Variants in TBCE observed in about 807,000 individuals in gnomAD.
TBCE encodes tubulin-specific chaperone E.
TBCE carries 53 observed loss-of-function variants against 77.0 expected under a neutral mutation model. The ratio of observed to expected loss-of-function variants is 0.69; its 90% confidence interval spans 0.55 to 0.87. The LOEUF (loss-of-function observed/expected upper bound fraction) is 0.87, where lower values mean the gene tolerates loss of function less well. TBCE is among the 40% of genes least tolerant of loss of function. The probability of loss-of-function intolerance (pLI) is 0.00; values close to 1 mark genes in which losing one functional copy is unlikely to be tolerated. For synonymous variants in TBCE, 235 were observed against 241.3 expected (o/e 0.97, Z 0.24); for missense variants, 624 against 622.4 (o/e 1.00, Z -0.03).
At chr1:235,371,066 T>TTTTG in intron 1 of TBCE, among the ~76,000 whole-genome samples, 1 of 127,870 alleles carries the variant, frequency 7.8e-6, no homozygotes, top group East Asian at 2.2e-4. Flanking sequence ...TTTTTTTTTT[T>TTTTG]TTTTTTGAGA....
In TBCE at chr1:235,440,009, C is replaced by T. The variant is rs553082312; in HGVS notation, c.1270+1087C>T. On this transcript the variant is annotated intron_variant, in intron 13 of 16. Transcript: ENST00000642610. ...TTTTTGAGACGGAGCCTCGCTCTGTCGCCCAGGCTGGAGTGCAGTGCCGCG... is the reference window on the plus strand; with the variant it reads ...TTTTTGAGACGGAGCCTCGCTCTGTTGCCCAGGCTGGAGTGCAGTGCCGCG... Among the ~76,000 whole-genome samples, 66 of 152,104 alleles carry T rather than the reference C, an allele frequency of 4.3e-4. No individual in the cohort carries two copies. In the South Asian group the frequency reaches 0.011, roughly 25 times the overall value.
At chr1:235,420,539 G>A (rs939836358) in intron 5 of TBCE, among the ~76,000 whole-genome samples, 1 of 141,188 alleles carries the variant, frequency 7.1e-6, no homozygotes, top group Non-Finnish European at 1.5e-5. Flanking sequence ...CTGCAGTGCA[G>A]TGGCGTGATC....
rs202164530 is a variant in TBCE, at chr1:235,443,183, C to CATAT, written c.1399+273_1399+274insTATA. Among the ~76,000 whole-genome samples the CATAT allele has an allele frequency of 0.13, 18,523 of 144,784 alleles. 1,424 individuals carry two copies. Among genetic ancestry groups the CATAT allele is most frequent in the African/African-American group, 0.24 (8,928 of 37,886 alleles). 95.0% of individuals were successfully genotyped at this position (144,784 alleles called of 152,430 possible). Reference sequence around the variant, plus strand: ...ATATAATTACACACACACACACACACACATATATATATACACACACACACA... The same window carrying CATAT: ...ATATAATTACACACACACACACACACATATACATATATATATACACACACACACA... On this transcript the variant is annotated intron_variant, in intron 15 of 16. Coordinates refer to ENST00000642610, the MANE Select transcript of TBCE (RefSeq NM_003193.5).
chr1:235,432,010 G>A (rs1171705283), intron 7 of TBCE, among the ~76,000 whole-genome samples: 2 of 150,352 alleles, frequency 1.3e-5, no homozygotes, highest in African/African-American at 4.9e-5. Flanking sequence ...TTGAGACAGA[G>A]TCTCGCTCTG....
At chr1:235,420,403 C>G (rs918363901) in intron 5 of TBCE, among the ~76,000 whole-genome samples, 2 of 151,840 alleles carry the variant, frequency 1.3e-5, no homozygotes, top group African/African-American at 4.8e-5. Flanking sequence ...TAACTTCCGC[C>G]TCCCAGGTTC....
chr1:235,383,608 C>T (rs1677817644), intron 2 of TBCE, among the ~76,000 whole-genome samples: 1 of 152,080 alleles, frequency 6.6e-6, no homozygotes, highest in Non-Finnish European at 1.5e-5. Flanking sequence ...CATGATTTGG[C>T]TCTCTGTTTG....
At chr1:235,444,870 C>A (rs760282592) in intron 15 of TBCE, among the ~76,000 whole-genome samples, 1 of 152,246 alleles carries the variant, frequency 6.6e-6, no homozygotes, top group African/African-American at 2.4e-5. Flanking sequence ...TTCAGTCTTT[C>A]TCTGGAAGGC....
At chr1:235,423,400 A>T (rs1680516358) in intron 5 of TBCE, among the ~76,000 whole-genome samples, 1 of 151,962 alleles carries the variant, frequency 6.6e-6, no homozygotes, top group African/African-American at 2.4e-5. Flanking sequence ...AGAAACAATA[A>T]CTCTAGGCTA....
chr1:235,368,677 C>T (rs1676716518), intron 1 of TBCE, among the ~76,000 whole-genome samples: 1 of 150,684 alleles, frequency 6.6e-6, no homozygotes. Flanking sequence ...CCCACCTCAG[C>T]CTCCCGAGTA....
intron 15 of TBCE, among the ~76,000 whole-genome samples, chr1:235,444,153 A>G (rs1230167684): frequency 6.6e-6 from 1 of 152,240 alleles, no homozygotes; most frequent in African/African-American, 2.4e-5. Context: ...TATTGCTTAT[A>G]GAAGGCCTTA....
At chr1:235,448,220 C>CTCA in intron 15 of TBCE, 129 bp from the exon 16 acceptor site, 1 of 527,198 alleles carries the variant, frequency 1.9e-6, no homozygotes, top group East Asian at 3.4e-5. Context: ...AAGTCAGTCT[C>CTCA]AAAAAAAAAA....
chr1:235,382,520 G>A (rs1255650253), intron 2 of TBCE, among the ~76,000 whole-genome samples: 25 of 152,192 alleles, frequency 1.6e-4, no homozygotes, highest in Non-Finnish European at 3.4e-4. Flanking sequence ...ACTGATGTGA[G>A]ATGGTATCTC....
intron 2 of TBCE, among the ~76,000 whole-genome samples, chr1:235,386,422 A>G (rs1678007725): frequency 6.6e-6 from 1 of 152,178 alleles, no homozygotes; most frequent in Admixed American, 6.5e-5. Flanking sequence ...TCTCCCCGTC[A>G]CTTTCAGGTA....
intron 1 of TBCE, among the ~76,000 whole-genome samples, chr1:235,374,097 C>A (rs546482489): frequency 6.9e-6 from 1 of 145,660 alleles, no homozygotes; most frequent in Non-Finnish European, 1.5e-5. Context: ...GCTGGGATTA[C>A]GGGTGCTTGC....
At chr1:235,368,933 G>T (rs1481921772) in intron 1 of TBCE, among the ~76,000 whole-genome samples, 4 of 151,934 alleles carry the variant, frequency 2.6e-5, no homozygotes, top group African/African-American at 7.3e-5. Flanking sequence ...TATTTGTCTA[G>T]ATGAAAATCT....
At chr1:235,395,549 T>C (rs1415486283) in intron 2 of TBCE, among the ~76,000 whole-genome samples, 1 of 122,552 alleles carries the variant, frequency 8.2e-6, no homozygotes, top group Non-Finnish European at 1.6e-5. Flanking sequence ...CTTCTTCTTC[T>C]TTTTTTTTTT....
rs568479600 is a variant in TBCE at position 235,445,128 on chromosome 1, A to G, written c.1399+2217A>G. Among the ~76,000 whole-genome samples, 100 of 152,364 alleles carry G rather than the reference A, an allele frequency of 6.6e-4. 1 individual carries two copies. Among genetic ancestry groups the G allele is most frequent in the African/African-American group, 2.4e-3 (98 of 41,594 alleles). On this transcript the variant is annotated intron_variant, in intron 15 of 16. Coordinates refer to ENST00000642610, the MANE Select transcript of TBCE (RefSeq NM_003193.5). ...AATTATATGTAAGAATTACTACTTT[A>G]AACTATTCAGAATCTGAGTCCTATA...
Position 235,380,061 on chromosome 1 carries a change from TTTGA to T in TBCE, c.13_16del (p.Leu5GlnfsTer32). 6.2e-7 allele frequency: 1 copy of T among 1,613,830 alleles called. No individual in the cohort carries two copies. The highest frequency in any genetic ancestry group is 8.5e-7 in the Non-Finnish European group (1 of 1,179,810). Reference sequence around the variant, plus strand: ...CTGGATATATTATAATGAGTGACACTTTGACAGCGGATGTCATTGGTCGAAGAGT... The same window carrying T: ...CTGGATATATTATAATGAGTGACACTCAGCGGATGTCATTGGTCGAAGAGT... On this transcript the variant is annotated frameshift_variant, in exon 2 of 17. Coordinates refer to ENST00000642610, the MANE Select transcript of TBCE (RefSeq NM_003193.5). LOFTEE classifies it high-confidence loss of function.
At chr1:235,421,892 C>T (rs138625062) in intron 5 of TBCE, among the ~76,000 whole-genome samples, 8 of 152,194 alleles carry the variant, frequency 5.3e-5, no homozygotes, top group African/African-American at 1.7e-4. Context: ...GGCAAAATGC[C>T]CCGACAGTGC....
Sources: gnomAD v4.1 joint callset for allele counts (sites outside exome capture counted in the v4.1 genomes callset) on GRCh38, gnomAD v4.1.1 for gene constraint, MANE v1.5 for transcripts, NCBI Gene and HGNC (gene_info 2026-07-23, HGNC 2026-07-21) for gene names.